IQCM: variants seen among roughly 807,000 people sequenced by gnomAD.
IQCM encodes IQ motif containing M.
IQCM carries 45 observed loss-of-function variants against 57.6 expected under a neutral mutation model. The observed-to-expected ratio is 0.78, with a 90% CI of 0.62 to 1.00. The LOEUF (loss-of-function observed/expected upper bound fraction) is 1.00, where lower values mean the gene tolerates loss of function less well. Among genes scored for constraint, IQCM ranks in the 50% least tolerant of loss-of-function variants. The pLI, the probability that IQCM is intolerant of heterozygous loss-of-function variation, is 0.00. For missense variants in IQCM, 468 were observed against 511.6 expected, an observed-to-expected ratio of 0.91 and a Z score of 0.82; for synonymous variants, 148 against 158.9, an observed-to-expected ratio of 0.93 and a Z score of 0.51.
chr4:149,392,774 A>C (rs1032153634), intron 13 of IQCM, among the ~76,000 whole-genome samples: 1 of 152,046 alleles, frequency 6.6e-6, no homozygotes, highest in Non-Finnish European at 1.5e-5. Flanking sequence ...ACCATCAGTG[A>C]ATGCAGAACA....
intron 2 of IQCM, among the ~76,000 whole-genome samples, chr4:149,794,278 A>G (rs1772909683): frequency 6.6e-6 from 1 of 152,262 alleles, no homozygotes; most frequent in Non-Finnish European, 1.5e-5. Flanking sequence ...GACAACTGGC[A>G]GAAATGCCAT....
chr4:149,517,114 G>GAA (rs34555374), intron 12 of IQCM, among the ~76,000 whole-genome samples: 33,830 of 83,640 alleles, frequency 0.4, 8,276 homozygotes, highest in Non-Finnish European at 0.51. Flanking sequence ...ACTCCACCAG[G>GAA]AAAAAAAAAA....
chr4:149,368,092 C>T (rs949957267), intron 13 of IQCM, among the ~76,000 whole-genome samples: 4 of 152,078 alleles, frequency 2.6e-5, no homozygotes, highest in Admixed American at 1.3e-4. Context: ...TTATTTTTCA[C>T]ATAAAAGTTT....
At chr4:149,384,066 A>G (rs1252700583) in intron 13 of IQCM, among the ~76,000 whole-genome samples, 1 of 152,208 alleles carries the variant, frequency 6.6e-6, no homozygotes. Context: ...ATATCTTCTC[A>G]TGAAATTTGA....
At chr4:149,558,090 C>T (rs1482950084) in intron 10 of IQCM, among the ~76,000 whole-genome samples, 2 of 152,176 alleles carry the variant, frequency 1.3e-5, no homozygotes, top group Non-Finnish European at 2.9e-5. Flanking sequence ...CTTCTTACCT[C>T]TCTGGTTACT....
At chr4:149,460,424 T>G (rs1738151872) in intron 12 of IQCM, among the ~76,000 whole-genome samples, 1 of 152,218 alleles carries the variant, frequency 6.6e-6, no homozygotes, top group Non-Finnish European at 1.5e-5. Context: ...TAATTTTAAC[T>G]GTTTCAAGGT....
intron 12 of IQCM, among the ~76,000 whole-genome samples, chr4:149,473,780 G>T (rs1048614920): frequency 2.0e-5 from 3 of 152,144 alleles, no homozygotes; most frequent in African/African-American, 7.2e-5. Flanking sequence ...ATACACCATG[G>T]AATACTATGC....
At chr4:149,494,961 G>GT (rs1404326911) in intron 12 of IQCM, among the ~76,000 whole-genome samples, 3 of 152,214 alleles carry the variant, frequency 2.0e-5, no homozygotes, top group Admixed American at 2.0e-4. Context: ...GTCTACTGTA[G>GT]TAAGAGTTAT....
At chr4:149,355,237 C>CT (rs1486831092) in intron 13 of IQCM, among the ~76,000 whole-genome samples, 1 of 151,562 alleles carries the variant, frequency 6.6e-6, no homozygotes, top group Non-Finnish European at 1.5e-5. Context: ...AGTAAATATT[C>CT]TTTTTTTAAT....
At chr4:149,467,786 G>A (rs1026671654) in intron 12 of IQCM, among the ~76,000 whole-genome samples, 7 of 152,126 alleles carry the variant, frequency 4.6e-5, no homozygotes, top group African/African-American at 1.7e-4. Context: ...CAGCAGTGAG[G>A]TTGCTGGAGA....
At position 149,394,804 on chromosome 4, in the gene IQCM, T is replaced by C. The variant is rs201450464; in HGVS notation, c.1390+38592A>G. Among the ~76,000 whole-genome samples the C allele has an allele frequency of 2.0e-5, 3 of 152,046 alleles. No homozygotes were observed. In the East Asian group the frequency reaches 5.8e-4, roughly 30 times the overall value. On this transcript the variant is annotated intron_variant, in intron 13 of 13. Coordinates refer to ENST00000636793, the MANE Select transcript of IQCM (RefSeq NM_001363507.2). ...TTAAAAGATTTACTATAGTTTTGTATATCTAATCTCTTCATCTTGGGGAAA... is the reference window on the plus strand; with the variant it reads ...TTAAAAGATTTACTATAGTTTTGTACATCTAATCTCTTCATCTTGGGGAAA...
intron 12 of IQCM, among the ~76,000 whole-genome samples, chr4:149,519,427 C>A (rs1399209323): frequency 6.6e-6 from 1 of 151,944 alleles, no homozygotes; most frequent in African/African-American, 2.4e-5. Context: ...CGAGACCATC[C>A]TGGCTAACAC....
intron 12 of IQCM, among the ~76,000 whole-genome samples, chr4:149,444,431 T>A (rs1343105948): frequency 6.6e-6 from 1 of 151,928 alleles, no homozygotes; most frequent in Non-Finnish European, 1.5e-5. Context: ...CTCTGTTTTG[T>A]GCATGATATT....
At position 149,686,362 on chromosome 4, in the gene IQCM, GC is replaced by G. The variant is rs113210309; in HGVS notation, c.476+15del. 7 of 1,116,236 alleles carry G rather than the reference GC, an allele frequency of 6.3e-6. No individual in the cohort carries two copies. In the African/African-American group the frequency reaches 9.7e-5, roughly 15 times the overall value. The allele number at this position is 1,116,236 out of a possible 1,614,324, so 69.1% of individuals were successfully genotyped here. ...GAAAATATATATTTTCTATAGGTTA[GC>G]TAATTATACATTACCTGGACTCCTC... On this transcript the variant is annotated intron_variant, in intron 6 of 13. Coordinates refer to ENST00000636793, the MANE Select transcript of IQCM (RefSeq NM_001363507.2).
At chr4:149,702,188 C>G (rs1763819894) in intron 5 of IQCM, among the ~76,000 whole-genome samples, 1 of 151,972 alleles carries the variant, frequency 6.6e-6, no homozygotes, top group African/African-American at 2.4e-5. Context: ...AAGATATTCA[C>G]TGGCTCTTAC....
intron 9 of IQCM, among the ~76,000 whole-genome samples, chr4:149,577,521 G>T (rs1339289431): frequency 6.6e-6 from 1 of 151,938 alleles, no homozygotes; most frequent in Admixed American, 6.6e-5. Flanking sequence ...TGTTGGCTTT[G>T]TCAAAGATCA....
chr4:149,597,160 T>C (rs1257682723), intron 8 of IQCM, among the ~76,000 whole-genome samples: 1 of 151,932 alleles, frequency 6.6e-6, no homozygotes, highest in Non-Finnish European at 1.5e-5. Flanking sequence ...AAACACATAA[T>C]ATTTAAAATT....
intron 8 of IQCM, among the ~76,000 whole-genome samples, chr4:149,601,991 T>A (rs377130040): frequency 6.8e-6 from 1 of 147,730 alleles, no homozygotes; most frequent in African/African-American, 2.5e-5. Context: ...GAGGCGGAGC[T>A]TACAGTGAGC....
At chr4:149,432,594 T>C (rs1010981907) in intron 13 of IQCM, among the ~76,000 whole-genome samples, 1 of 152,004 alleles carries the variant, frequency 6.6e-6, no homozygotes, top group African/African-American at 2.4e-5. Context: ...TTATTGGATA[T>C]GGCAGCAAAA....
Sources: gnomAD v4.1 joint callset for allele counts (sites outside exome capture counted in the v4.1 genomes callset) on GRCh38, gnomAD v4.1.1 for gene constraint, MANE v1.5 for transcripts, NCBI Gene and HGNC (gene_info 2026-07-23, HGNC 2026-07-21) for gene names.